KIAA1328: variants seen among roughly 807,000 people sequenced by gnomAD.
KIAA1328 encodes the protein protein hinderin.
A neutral mutation model predicts 68.1 loss-of-function variants in KIAA1328; 52 were observed. The observed-to-expected ratio is 0.76, with a 90% CI of 0.61 to 0.96. The LOEUF is 0.96. KIAA1328 is among the 40% of genes least tolerant of loss of function. KIAA1328 has a pLI of 0.00. For missense variants in KIAA1328, 641 were observed against 677.6 expected, an observed-to-expected ratio of 0.95 and a Z score of 0.60; for synonymous variants, 232 against 239.4, an observed-to-expected ratio of 0.97 and a Z score of 0.28.
At chr18:37,095,208 A>G (rs568383688) in intron 7 of KIAA1328, among the ~76,000 whole-genome samples, 2 of 152,350 alleles carry the variant, frequency 1.3e-5, no homozygotes, top group East Asian at 3.9e-4. Context: ...CATCTGATTC[A>G]ATCTGCACTA....
intron 5 of KIAA1328, chr18:36,886,232 C>T (rs2048496334): frequency 6.6e-6 from 1 of 152,142 alleles, no homozygotes; most frequent in Admixed American, 6.5e-5. Flanking sequence ...CTAAAAAGGA[C>T]AAGAAGAAAT....
chr18:36,887,112 CTTTT>C (rs553425006), intron 5 of KIAA1328, among the ~76,000 whole-genome samples: 3 of 134,666 alleles, frequency 2.2e-5, no homozygotes, highest in Non-Finnish European at 4.8e-5. Context: ...CCAACTTTCT[CTTTT>C]TTTTTTTTTT....
chr18:36,885,626 C>G lies in KIAA1328; in HGVS notation c.402C>G (p.Ile134Met), dbSNP rs773477125. The change falls in exon 5 of 10, where the codon ATC becomes ATG. Residue 134 changes from isoleucine to methionine, a missense_variant. Transcript: ENST00000280020. ...KAEQESFEKK[I>M]RQLEEQNELI... Reference sequence around the variant, plus strand: ...AGCAGGAGTCATTTGAGAAGAAGATCAGGCAGTTGGAAGAACAGAATGAAC... The same window carrying G: ...AGCAGGAGTCATTTGAGAAGAAGATGAGGCAGTTGGAAGAACAGAATGAAC... 8.1e-6 allele frequency: 13 copies of G among 1,599,826 alleles called. No individual in the cohort carries two copies. In the African/African-American group the frequency reaches 1.6e-4, roughly 20 times the overall value.
chr18:37,145,204 C>T (rs2058868250), intron 7 of KIAA1328, among the ~76,000 whole-genome samples: 1 of 151,092 alleles, frequency 6.6e-6, no homozygotes, highest in South Asian at 2.1e-4. Flanking sequence ...GAATCAGTCT[C>T]ACAAAAATAA....
At chr18:36,965,602 C>G (rs1307094652) in intron 6 of KIAA1328, among the ~76,000 whole-genome samples, 2 of 148,884 alleles carry the variant, frequency 1.3e-5, no homozygotes, top group African/African-American at 4.9e-5. Context: ...GACTCCTGAC[C>G]TCAGGTGATC....
intron 5 of KIAA1328, among the ~76,000 whole-genome samples, chr18:36,934,251 C>G (rs2050418403): frequency 6.6e-6 from 1 of 152,076 alleles, no homozygotes; most frequent in Non-Finnish European, 1.5e-5. Flanking sequence ...TTGATGTTTT[C>G]CTCTCTGGAA....
intron 7 of KIAA1328, among the ~76,000 whole-genome samples, chr18:37,094,494 G>A (rs758047972): frequency 2.0e-5 from 3 of 152,158 alleles, no homozygotes; most frequent in Non-Finnish European, 4.4e-5. Flanking sequence ...GCTTAAGGGA[G>A]TTCTACATCT....
At chr18:37,132,195 A>G (rs531040912) in intron 7 of KIAA1328, among the ~76,000 whole-genome samples, 3 of 152,298 alleles carry the variant, frequency 2.0e-5, no homozygotes, top group South Asian at 2.1e-4. Flanking sequence ...TATGGTGGGT[A>G]TATACTCATG....
At chr18:36,829,950 C>T (rs775077470) in intron 1 of KIAA1328, among the ~76,000 whole-genome samples, 67 of 152,230 alleles carry the variant, frequency 4.4e-4, no homozygotes, top group Non-Finnish European at 8.2e-4. Context: ...TGTTTCTTTC[C>T]TTGGAGTAGG....
At chr18:37,100,257 A>T (rs1247109382) in intron 7 of KIAA1328, among the ~76,000 whole-genome samples, 2 of 152,198 alleles carry the variant, frequency 1.3e-5, no homozygotes, top group Admixed American at 1.3e-4. Flanking sequence ...GGGTCAGGCA[A>T]TTCCCTTTCC....
rs563270726 is a variant in KIAA1328, at chr18:36,960,663, A to G, written c.576+1228A>G. Among the ~76,000 whole-genome samples, 28 of 152,338 alleles carry G rather than the reference A, an allele frequency of 1.8e-4. No homozygotes were observed. The South Asian group carries it at 5.8e-3, about 32-fold the overall frequency. ...TCTGCAGCCTCTGCTGGTGATACCC[A>G]GGCAAACAGGGTCTGGAGTGGACTT... On this transcript the variant is annotated intron_variant, in intron 6 of 9. Transcript: ENST00000280020.
In KIAA1328 at chr18:36,979,194, T is replaced by C. The variant is rs566116202; in HGVS notation, c.576+19759T>C. Among the ~76,000 whole-genome samples, 6 of 98,052 alleles carry C rather than the reference T, an allele frequency of 6.1e-5. No homozygotes were observed. In the South Asian group the frequency reaches 3.0e-3, roughly 50 times the overall value. 64.3% of individuals were successfully genotyped at this position (98,052 alleles called of 152,430 possible). Reference sequence around the variant, plus strand: ...AATAAAATAAAATTTAAAAATAAAATGAATAAAATAAAAAGAAAGAAGGTT... The same window carrying C: ...AATAAAATAAAATTTAAAAATAAAACGAATAAAATAAAAAGAAAGAAGGTT... On this transcript the variant is annotated intron_variant, in intron 6 of 9. Transcript: ENST00000280020.
intron 7 of KIAA1328, among the ~76,000 whole-genome samples, chr18:37,072,935 C>A (rs1451307129): frequency 6.6e-6 from 1 of 152,116 alleles, no homozygotes; most frequent in East Asian, 1.9e-4. Context: ...CATGTCCCTG[C>A]AAAGGACATG....
intron 9 of KIAA1328, among the ~76,000 whole-genome samples, chr18:37,215,488 G>A (rs978230802): frequency 4.6e-5 from 7 of 152,174 alleles, no homozygotes; most frequent in Admixed American, 2.0e-4. Flanking sequence ...TTGCATCCCA[G>A]GGATGAAGCC....
At chr18:37,159,345 C>T (rs1343072138) in intron 7 of KIAA1328, among the ~76,000 whole-genome samples, 1 of 152,158 alleles carries the variant, frequency 6.6e-6, no homozygotes, top group Admixed American at 6.5e-5. Flanking sequence ...CCCTTTGCTT[C>T]TGGGGAGTTT....
At chr18:37,133,316 G>GAA (rs879536664) in intron 7 of KIAA1328, among the ~76,000 whole-genome samples, 22 of 119,986 alleles carry the variant, frequency 1.8e-4, no homozygotes, top group Admixed American at 2.5e-4. Context: ...TGGGCAATAA[G>GAA]AAAAAAAAAA....
chr18:37,038,867 C>A (rs995567141), intron 6 of KIAA1328, among the ~76,000 whole-genome samples: 2 of 152,046 alleles, frequency 1.3e-5, no homozygotes, highest in Non-Finnish European at 2.9e-5. Context: ...TATAGATTAT[C>A]TTATAATTGA....
intron 5 of KIAA1328, among the ~76,000 whole-genome samples, chr18:36,929,693 A>C (rs2050244168): frequency 6.6e-6 from 1 of 152,066 alleles, no homozygotes; most frequent in Admixed American, 6.5e-5. Flanking sequence ...GTCCTTATAA[A>C]AGAGGCTCCA....
chr18:37,033,351 C>A (rs2054906599), intron 6 of KIAA1328, among the ~76,000 whole-genome samples: 1 of 152,098 alleles, frequency 6.6e-6, no homozygotes, highest in Non-Finnish European at 1.5e-5. Context: ...TAATGATTAT[C>A]TTGATTTTAT....
Sources: gnomAD v4.1 joint callset for allele counts (sites outside exome capture counted in the v4.1 genomes callset) on GRCh38, gnomAD v4.1.1 for gene constraint, MANE v1.5 for transcripts, NCBI Gene and HGNC (gene_info 2026-07-23, HGNC 2026-07-21) for gene names.